Variants in HMCN1 observed in about 807,000 individuals in gnomAD.
The protein encoded by HMCN1 is hemicentin 1.
A neutral mutation model predicts 625.9 loss-of-function variants in HMCN1; 321 were observed. The observed-to-expected ratio is 0.51, with a 90% CI of 0.47 to 0.56. The LOEUF (loss-of-function observed/expected upper bound fraction) is 0.56. HMCN1 is among the 20% of genes least tolerant of loss of function. The pLI, the probability that HMCN1 is intolerant of heterozygous loss-of-function variation, is 0.00. For missense variants in HMCN1, 6,588 were observed against 6,887.3 expected (o/e 0.96, Z 1.54); for synonymous variants, 2,425 against 2,417.6 (o/e 1.00, Z -0.09).
At chr1:185,883,522 A>G (rs1414359644) in intron 4 of HMCN1, among the ~76,000 whole-genome samples, 7 of 151,952 alleles carry the variant, frequency 4.6e-5, no homozygotes, top group Non-Finnish European at 8.8e-5. Flanking sequence ...CTAGATTTTT[A>G]AATTGAGTAT....
intron 97 of HMCN1, among the ~76,000 whole-genome samples, chr1:186,161,564 G>T (rs957038696): frequency 3.9e-5 from 6 of 151,992 alleles, no homozygotes; most frequent in Non-Finnish European, 5.9e-5. Flanking sequence ...GGTACCAGTT[G>T]TTCCTTTCCA....
At chr1:185,945,430 A>T (rs575970982) in intron 11 of HMCN1, among the ~76,000 whole-genome samples, 1 of 152,330 alleles carries the variant, frequency 6.6e-6, no homozygotes, top group South Asian at 2.1e-4. Flanking sequence ...CACAAAAAAA[A>T]TTGTCAGGCT....
chr1:185,816,218 A>T (rs1659840170), intron 1 of HMCN1, among the ~76,000 whole-genome samples: 3 of 152,234 alleles, frequency 2.0e-5, no homozygotes. Flanking sequence ...GCAGTTACTG[A>T]CACAGATCCA....
At position 186,137,507 on chromosome 1, in the gene HMCN1, G is replaced by C; in HGVS notation, c.13592G>C (p.Gly4531Ala). ...AATGTTTTATTTGCAGTTCATGGTG[G>C]ATTTTCCCAGTGGTCTGCATGGAGA... ...RVPVIVQVHG[G>A]FSQWSAWRAC... is the part of the protein sequence containing the mutation. The change falls in exon 88 of 107, where the codon GGA becomes GCA. Residue 4531 changes from glycine (G) to alanine (A), a missense_variant. This residue lies in a region of HMCN1 where 1,954 missense variants were observed against 2,013.1 expected (regional missense o/e 0.97). Transcript: ENST00000271588. The C allele has an allele frequency of 6.2e-7, 1 of 1,613,476 alleles. No homozygotes were observed. Among genetic ancestry groups the C allele is most frequent in the South Asian group, 1.1e-5 (1 of 91,034 alleles).
chr1:186,120,990 G>T lies in HMCN1; in HGVS notation c.12229+845G>T, dbSNP rs369605186. Among the ~76,000 whole-genome samples the T allele has an allele frequency of 7.9e-5, 12 of 152,182 alleles. No individual in the cohort carries two copies. In the East Asian group the frequency reaches 1.3e-3, roughly 17 times the overall value. On this transcript the variant is annotated intron_variant, in intron 80 of 106. Transcript: ENST00000271588. ...ATGGGAATATGTGGGGACCACTTTAGAAAATGGTTAGGATAGGTTTCTCTG... is the reference window on the plus strand; with the variant it reads ...ATGGGAATATGTGGGGACCACTTTATAAAATGGTTAGGATAGGTTTCTCTG...
At chr1:186,047,417 A>G (rs1656649569) in intron 41 of HMCN1, among the ~76,000 whole-genome samples, 1 of 152,182 alleles carries the variant, frequency 6.6e-6, no homozygotes, top group Non-Finnish European at 1.5e-5. Flanking sequence ...GAAGTTCGTC[A>G]CGTTGAGGGG....
chr1:185,743,180 T>C (rs79627242), intron 1 of HMCN1, among the ~76,000 whole-genome samples: 3,455 of 152,282 alleles, frequency 0.023, 122 homozygotes, highest in African/African-American at 0.074. Context: ...AGCCACACAA[T>C]AGACACTCAA....
rs1659935032 is a variant in HMCN1 at position 186,093,151 on chromosome 1, G to A, written c.9905G>A (p.Ser3302Asn). Residue 3302 changes from serine (S) to asparagine (N), a missense_variant, in exon 65 of 107, where the codon AGC (serine) becomes AAC (asparagine). Physicochemically the swap from Ser to Asn is conservative, Grantham distance 46. Coordinates refer to ENST00000271588, the MANE Select transcript of HMCN1 (RefSeq NM_031935.3). Reference sequence around the variant, plus strand: ...TTCCGTAGAGTGAGTGCAAATGGCAGCACATTAAACATTTATGGAGCTCTT... The same window carrying A: ...TTCCGTAGAGTGAGTGCAAATGGCAACACATTAAACATTTATGGAGCTCTT... ...TERIRVSANG[S>N]TLNIYGALTS... 11 of 1,613,308 alleles carry A rather than the reference G, an allele frequency of 6.8e-6. No individual in the cohort carries two copies. Among genetic ancestry groups the A allele is most frequent in the Non-Finnish European group, 9.3e-6 (11 of 1,179,516 alleles).
chr1:185,885,391 G>T lies in HMCN1; in HGVS notation c.621+19528G>T, dbSNP rs6425009. ...TAGGCAATATTTATGTCCATTGAGT[G>T]TTATAGTTGAAGCAGAGAACTGAAT... On this transcript the variant is annotated intron_variant, in intron 4 of 106. Transcript: ENST00000271588. 3.2e-3 allele frequency among the ~76,000 whole-genome samples: 493 copies of T among 151,998 alleles called. 3 individuals carry two copies. Among genetic ancestry groups the T allele is most frequent in the African/African-American group, 0.012 (481 of 41,530 alleles).
At chr1:185,843,456 C>T (rs188103608) in intron 1 of HMCN1, among the ~76,000 whole-genome samples, 13 of 152,232 alleles carry the variant, frequency 8.5e-5, no homozygotes, top group Admixed American at 7.2e-4. Flanking sequence ...AGACCATGTT[C>T]AGGCAGGAAG....
At chr1:186,180,322 C>CCACT (rs932874293) in intron 104 of HMCN1, among the ~76,000 whole-genome samples, 51 of 152,224 alleles carry the variant, frequency 3.4e-4, no homozygotes, top group African/African-American at 1.1e-3. Context: ...ATAGTCATCC[C>CCACT]CACTAGAGGG....
rs914952410 is a variant in HMCN1 at position 186,137,057 on chromosome 1, G to T, written c.13582+120G>T. Reference sequence around the variant, plus strand: ...CCTTAACATACTTTTAGATGATGGGGAGAGGACAAAATCATCAAAATTTAC... The same window carrying T: ...CCTTAACATACTTTTAGATGATGGGTAGAGGACAAAATCATCAAAATTTAC... On this transcript the variant is annotated intron_variant, in intron 87 of 106. Transcript: ENST00000271588. 13 of 1,217,148 alleles carry T rather than the reference G, an allele frequency of 1.1e-5. No individual in the cohort carries two copies. The African/African-American group carries it at 1.8e-4, about 17-fold the overall frequency. The allele number at this position is 1,217,148 out of a possible 1,614,324, so 75.4% of individuals were successfully genotyped here.
chr1:186,096,455 G>A (rs778741020), intron 68 of HMCN1, among the ~76,000 whole-genome samples: 2 of 152,076 alleles, frequency 1.3e-5, no homozygotes, highest in Non-Finnish European at 2.9e-5. Flanking sequence ...TTACTTTCCA[G>A]GTGGATTAAA....
intron 36 of HMCN1, among the ~76,000 whole-genome samples, chr1:186,035,259 G>A (rs904914778): frequency 6.6e-6 from 1 of 152,092 alleles, no homozygotes; most frequent in South Asian, 2.1e-4. Flanking sequence ...GAATACAAAA[G>A]CAATTTTAAG....
At chr1:185,783,869 A>C (rs1351610496) in intron 1 of HMCN1, among the ~76,000 whole-genome samples, 3 of 152,182 alleles carry the variant, frequency 2.0e-5, no homozygotes, top group Admixed American at 2.0e-4. Context: ...TACCGTCTTC[A>C]AAGCTGTTAG....
rs544300337 is a variant in HMCN1, at chr1:185,783,260, A to C, written c.268+48213A>C. Among the ~76,000 whole-genome samples, 48 of 152,154 alleles carry C rather than the reference A, an allele frequency of 3.2e-4. No individual in the cohort carries two copies. In the South Asian group the frequency reaches 9.7e-3, roughly 31 times the overall value. ...TTACCCATTCATCTAATCTTTTATC[A>C]AGGTTTTTAGCTTCTTTGCGATGGG... On this transcript the variant is annotated intron_variant, in intron 1 of 106. Coordinates refer to ENST00000271588, the MANE Select transcript of HMCN1 (RefSeq NM_031935.3).
At chr1:185,890,731 G>A in intron 4 of HMCN1, among the ~76,000 whole-genome samples, 1 of 65,902 alleles carries the variant, frequency 1.5e-5, no homozygotes, top group Admixed American at 1.8e-4. Flanking sequence ...TTACTTCCAA[G>A]TATGTGGTCA....
intron 4 of HMCN1, among the ~76,000 whole-genome samples, chr1:185,896,886 C>T (rs1665523506): frequency 1.3e-5 from 2 of 152,198 alleles, no homozygotes; most frequent in Non-Finnish European, 2.9e-5. Flanking sequence ...CATCCATAAT[C>T]AGTTATAACA....
At chr1:186,112,746 G>A in intron 71 of HMCN1, 66 bp from the exon 72 acceptor site, 3 of 1,588,710 alleles carry the variant, frequency 1.9e-6, no homozygotes, top group East Asian at 2.3e-5. Context: ...TTTTGATGCT[G>A]TGAAATAATA....
Sources: allele counts gnomAD v4.1 joint callset (sites outside exome capture counted in the v4.1 genomes callset), GRCh38; gene constraint gnomAD v4.1.1; regional missense constraint gnomAD v4.1.1; transcripts MANE v1.5; gene names NCBI Gene and HGNC (gene_info 2026-07-23, HGNC 2026-07-21).